MDGA2: variants seen among roughly 807,000 people sequenced by gnomAD.
MDGA2 encodes MAM domain containing glycosylphosphatidylinositol anchor 2.
Under a neutral mutation model 117.8 loss-of-function variants are expected in MDGA2, and 40 were observed. The observed-to-expected ratio is 0.34, with a 90% CI of 0.26 to 0.44. The LOEUF (loss-of-function observed/expected upper bound fraction) is 0.44. Ranked by LOEUF, MDGA2 falls within the 20% of genes least tolerant of loss-of-function variation. The pLI, the probability that MDGA2 is intolerant of heterozygous loss-of-function variation, is 1.00. For missense variants in MDGA2, 1,123 were observed against 1,250.6 expected (o/e 0.90, Z 1.54); for synonymous variants, 452 against 439.0 (o/e 1.03, Z -0.37).
intron 1 of MDGA2, among the ~76,000 whole-genome samples, chr14:47,659,476 G>T (rs1213375614): frequency 6.6e-6 from 1 of 152,118 alleles, no homozygotes; most frequent in Non-Finnish European, 1.5e-5. Context: ...TTTCGTCACA[G>T]CCAAAGACAT....
chr14:46,941,817 G>A (rs1279766158), intron 9 of MDGA2, among the ~76,000 whole-genome samples: 1 of 152,112 alleles, frequency 6.6e-6, no homozygotes, highest in Non-Finnish European at 1.5e-5. Flanking sequence ...GAAACTGTTT[G>A]AATTTTTAGA....
At chr14:47,169,907 G>T (rs1473361113) in intron 3 of MDGA2, among the ~76,000 whole-genome samples, 1 of 151,840 alleles carries the variant, frequency 6.6e-6, no homozygotes, top group African/African-American at 2.4e-5. Context: ...CCCAGAAATT[G>T]AAAAAAATTA....
At chr14:46,971,340 A>G (rs1886255616) in intron 8 of MDGA2, among the ~76,000 whole-genome samples, 1 of 152,164 alleles carries the variant, frequency 6.6e-6, no homozygotes, top group South Asian at 2.1e-4. Context: ...ATGAATGGGT[A>G]AAGTAGCATA....
intron 3 of MDGA2, among the ~76,000 whole-genome samples, chr14:47,175,290 C>A (rs575964810): frequency 2.1e-4 from 32 of 151,880 alleles, no homozygotes; most frequent in Admixed American, 1.2e-3. Context: ...TCCTCCCTAA[C>A]TCATTTTATG....
chr14:47,264,736 A>AGGTATACACGTGCCATGGT (rs1450432507), intron 2 of MDGA2, among the ~76,000 whole-genome samples: 1 of 151,950 alleles, frequency 6.6e-6, no homozygotes, highest in East Asian at 1.9e-4. Context: ...TTTGTTACAT[A>AGGTATACACGTGCCATGGT]GGTATACACG....
chr14:46,864,059 TC>T (rs1449732048), intron 14 of MDGA2, among the ~76,000 whole-genome samples: 2 of 74,498 alleles, frequency 2.7e-5, no homozygotes. Flanking sequence ...ATGCTATCCC[TC>T]CCCCCTCCCC....
intron 1 of MDGA2, among the ~76,000 whole-genome samples, chr14:47,635,553 A>G (rs1897308064): frequency 6.6e-6 from 1 of 152,188 alleles, no homozygotes; most frequent in African/African-American, 2.4e-5. Flanking sequence ...GCTGAATGCC[A>G]TGAGTTGTCA....
intron 1 of MDGA2, among the ~76,000 whole-genome samples, chr14:47,312,937 T>A (rs1193721689): frequency 6.7e-6 from 1 of 148,790 alleles, no homozygotes; most frequent in Non-Finnish European, 1.5e-5. Flanking sequence ...CATATATATA[T>A]ATATAAACCT....
At chr14:46,850,645 C>T (rs1881021158) in intron 15 of MDGA2, among the ~76,000 whole-genome samples, 1 of 151,808 alleles carries the variant, frequency 6.6e-6, no homozygotes, top group Non-Finnish European at 1.5e-5. Flanking sequence ...GAACTATCCT[C>T]AACCATTACA....
intron 1 of MDGA2, among the ~76,000 whole-genome samples, chr14:47,518,160 C>G (rs1894793663): frequency 6.6e-6 from 1 of 152,084 alleles, no homozygotes; most frequent in Non-Finnish European, 1.5e-5. Flanking sequence ...TTCACAGCAA[C>G]TGACTGATGG....
At chr14:47,385,618 G>A (rs1342869704) in intron 1 of MDGA2, among the ~76,000 whole-genome samples, 2 of 152,106 alleles carry the variant, frequency 1.3e-5, no homozygotes, top group African/African-American at 4.8e-5. Context: ...GAAGAAAGGT[G>A]AGTGAGCATC....
At chr14:47,290,936 G>A (rs940407597) in intron 2 of MDGA2, among the ~76,000 whole-genome samples, 10 of 152,150 alleles carry the variant, frequency 6.6e-5, no homozygotes, top group Admixed American at 2.0e-4. Context: ...AAGGGAGCAT[G>A]TATCAACTAA....
chr14:47,492,425 T>A (rs1439057899), intron 1 of MDGA2, among the ~76,000 whole-genome samples: 1 of 152,120 alleles, frequency 6.6e-6, no homozygotes, highest in African/African-American at 2.4e-5. Context: ...ACACTCTCAA[T>A]GAGTTTATAA....
At chr14:46,848,647 TAAA>T (rs71112463) in intron 15 of MDGA2, among the ~76,000 whole-genome samples, 11 of 129,704 alleles carry the variant, frequency 8.5e-5, no homozygotes, top group Non-Finnish European at 6.6e-5. Flanking sequence ...AGGCTTGTGC[TAAA>T]AAAAAAAAAA....
chr14:47,059,254 A>C, intron 7 of MDGA2: 1 of 1,115,486 alleles, frequency 9.0e-7, no homozygotes, highest in Non-Finnish European at 1.2e-6. Context: ...GATGCAGACA[A>C]AGTCTCAGAC....
chr14:47,600,803 G>C (rs568309306), intron 1 of MDGA2, among the ~76,000 whole-genome samples: 2 of 151,464 alleles, frequency 1.3e-5, no homozygotes, highest in Admixed American at 6.6e-5. Flanking sequence ...GCTTTCAACT[G>C]TCTGTCTGAT....
chr14:47,183,688 A>C (rs1884798525), intron 3 of MDGA2, among the ~76,000 whole-genome samples: 1 of 152,092 alleles, frequency 6.6e-6, no homozygotes, highest in Non-Finnish European at 1.5e-5. Flanking sequence ...CATACACACA[A>C]ACACATACAT....
intron 3 of MDGA2, among the ~76,000 whole-genome samples, chr14:47,216,526 ACAC>A (rs1228520978): frequency 6.6e-6 from 1 of 152,100 alleles, no homozygotes; most frequent in Non-Finnish European, 1.5e-5. Context: ...TCAAATTTTG[ACAC>A]CACACTAGTT....
At chr14:46,953,557 C>T (rs1171903310) in intron 9 of MDGA2, among the ~76,000 whole-genome samples, 1 of 151,890 alleles carries the variant, frequency 6.6e-6, no homozygotes. Flanking sequence ...TATGCTTAGA[C>T]TATTGCATTT....
Sources: allele counts gnomAD v4.1 joint callset (sites outside exome capture counted in the v4.1 genomes callset), GRCh38; gene constraint gnomAD v4.1.1; transcripts MANE v1.5; gene names NCBI Gene and HGNC (gene_info 2026-07-23, HGNC 2026-07-21).